FREM3: variants seen among roughly 807,000 people sequenced by gnomAD.
FREM3 encodes the protein FRAS1 related extracellular matrix 3.
Under a neutral mutation model 129.1 loss-of-function variants are expected in FREM3, and 105 were observed. The observed-to-expected ratio is 0.81, with a 90% confidence interval of 0.69 to 0.96. The LOEUF (loss-of-function observed/expected upper bound fraction) is 0.96. Among genes scored for constraint, FREM3 ranks in the 40% least tolerant of loss-of-function variants. The probability of loss-of-function intolerance (pLI) is 0.00; values close to 1 mark genes in which losing one functional copy is unlikely to be tolerated. For synonymous variants in FREM3, 1,014 were observed against 1,044.9 expected, an observed-to-expected ratio of 0.97 and a Z score of 0.57; for missense variants, 2,593 against 2,666.3, an observed-to-expected ratio of 0.97 and a Z score of 0.61.
chr4:143,676,965 A>G (rs1038468984), intron 2 of FREM3, among the ~76,000 whole-genome samples: 4 of 152,220 alleles, frequency 2.6e-5, no homozygotes, highest in South Asian at 4.1e-4. Context: ...TGGCCATACT[A>G]CCCAAGGTAA....
chr4:143,692,504 T>C (rs931254640), intron 2 of FREM3, among the ~76,000 whole-genome samples: 3 of 152,160 alleles, frequency 2.0e-5, no homozygotes, highest in Admixed American at 2.0e-4. Flanking sequence ...TCTGACCACA[T>C]AATCATTGAA....
Position 143,588,332 on chromosome 4 carries a change from C to T in FREM3, c.6029-2339G>A, listed in dbSNP as rs138666370. The stretch of plus-strand genomic sequence containing the variant: ...TATGTATACATGTGCCATGTTGGTA[C>T]GCTGTACCCATTAACTCATCATTTA... On this transcript the variant is annotated intron_variant, in intron 6 of 7. Transcript: ENST00000329798. Among the ~76,000 whole-genome samples, 617 of 151,904 alleles carry T rather than the reference C, an allele frequency of 4.1e-3. 4 individuals carry two copies. Among genetic ancestry groups the T allele is most frequent in the African/African-American group, 7.8e-3 (324 of 41,402 alleles).
intron 6 of FREM3, among the ~76,000 whole-genome samples, chr4:143,589,601 T>A (rs1284865722): frequency 6.6e-6 from 1 of 152,200 alleles, no homozygotes; most frequent in Non-Finnish European, 1.5e-5. Context: ...TTGGTCTATA[T>A]CTCTGTTTTG....
chr4:143,590,810 A>C (rs1271618714), intron 6 of FREM3, among the ~76,000 whole-genome samples: 1 of 152,134 alleles, frequency 6.6e-6, no homozygotes. Context: ...TTCAGAAGAA[A>C]TGGTACCAGC....
chr4:143,596,605 T>A (rs1738487617), intron 6 of FREM3, among the ~76,000 whole-genome samples: 1 of 152,126 alleles, frequency 6.6e-6, no homozygotes, highest in African/African-American at 2.4e-5. Context: ...TGCATTTAAG[T>A]AGATATTTTG....
chr4:143,665,049 G>T, intron 2 of FREM3, among the ~76,000 whole-genome samples: 1 of 152,146 alleles, frequency 6.6e-6, no homozygotes, highest in East Asian at 1.9e-4. Context: ...CCCGAGTGAG[G>T]CAATGCCTCA....
At chr4:143,636,374 C>T (rs1251837029) in intron 2 of FREM3, among the ~76,000 whole-genome samples, 1 of 146,940 alleles carries the variant, frequency 6.8e-6, no homozygotes, top group African/African-American at 2.5e-5. Context: ...GATGGTCAAG[C>T]TGAAGGAGAC....
Position 143,698,688 on chromosome 4 carries a change from TGTG to T in FREM3, c.1985_1987del (p.Pro662del). 1 of 1,537,566 alleles carries T rather than the reference TGTG, an allele frequency of 6.5e-7. No individual in the cohort carries two copies. Among genetic ancestry groups the T allele is most frequent in the Admixed American group, 2.0e-5 (1 of 51,004 alleles). ...CTGGACCATTACAGATTGAGGGCTG[TGTG>T]GTCCAAGATGGCGGTAGAAGAGTCT... On this transcript the variant is annotated inframe_deletion, in exon 1 of 8. Coordinates refer to ENST00000329798, the MANE Select transcript of FREM3 (RefSeq NM_001168235.2).
At chr4:143,645,760 C>T (rs1363220819) in intron 2 of FREM3, among the ~76,000 whole-genome samples, 1 of 152,180 alleles carries the variant, frequency 6.6e-6, no homozygotes, top group East Asian at 1.9e-4. Flanking sequence ...ATCTACTTAT[C>T]TATCAATATA....
rs189735974 is a variant in FREM3, at chr4:143,607,953, C to A, written c.6028+3326G>T. On this transcript the variant is annotated intron_variant, in intron 6 of 7. Transcript: ENST00000329798. ...TTTTCTAGCTTCTAAAGGCTGCCTG[C>A]ATTCCTCGGCTTGTGGCCCTTTCCT... 1.2e-4 allele frequency among the ~76,000 whole-genome samples: 18 copies of A among 152,282 alleles called. No individual in the cohort carries two copies. The East Asian group carries it at 3.3e-3, about 28-fold the overall frequency.
At chr4:143,691,323 G>A (rs6537167) in intron 2 of FREM3, among the ~76,000 whole-genome samples, 93,297 of 151,700 alleles carry the variant, frequency 0.62, 29,303 homozygotes, top group East Asian at 0.77. Context: ...TATACTGCTC[G>A]GGTGATGGGT....
intron 2 of FREM3, among the ~76,000 whole-genome samples, chr4:143,660,758 A>C (rs1041838772): frequency 2.0e-5 from 3 of 151,738 alleles, no homozygotes; most frequent in South Asian, 2.1e-4. Flanking sequence ...CTTTTATTTC[A>C]TTGAGCAGTG....
chr4:143,699,628 G>T lies in FREM3; in HGVS notation c.1048C>A (p.Pro350Thr). Residue 350 changes from proline to threonine, a missense_variant, in exon 1 of 8, where the codon CCC (proline) becomes ACC (threonine). Physicochemically the swap from Pro to Thr is conservative, Grantham distance 38. Around this residue, in one of 2 missense-constraint regions of FREM3, gnomAD observed 2,276 missense variants for 2,267.2 expected, o/e 1.00. Transcript: ENST00000329798. The surrounding 1 kb of genome is among the most constrained non-coding windows in gnomAD (Gnocchi z 4.2). ...GDLVFNILNA[P>T]THPPGHPGQQ... Reference sequence around the variant, plus strand: ...CCCGGGTGCCCTGGTGGGTGAGTGGGGGCGTTCAGAATGTTGAACACCAGG... The same window carrying T: ...CCCGGGTGCCCTGGTGGGTGAGTGGTGGCGTTCAGAATGTTGAACACCAGG... The T allele has an allele frequency of 6.5e-7, 1 of 1,530,258 alleles. No individual in the cohort carries two copies. The highest frequency in any genetic ancestry group is 8.8e-7 in the Non-Finnish European group (1 of 1,142,508). The allele number at this position is 1,530,258 out of a possible 1,614,324, so 94.8% of individuals were successfully genotyped here. A position where few individuals can be genotyped will look rare whatever the true frequency, so the allele number is the denominator to read the frequency against.
rs1408355788 is a variant in FREM3 at position 143,699,797 on chromosome 4, G to C, written c.879C>G (p.Leu293=). ...GVLVREHFQL[L]VRIRGGAENT... ...TCTCGGCTCCGCCGCGGATCCTCAC[G>C]AGCAGCTGGAAGTGCTCGCGGACCA... Residue 293 remains leucine, a synonymous_variant, in exon 1 of 8, where the codon CTC becomes CTG. Transcript: ENST00000329798. The surrounding 1 kb of genome is among the most constrained non-coding windows in gnomAD (Gnocchi z 4.2). The C allele has an allele frequency of 1.0e-5, 16 of 1,536,156 alleles. No homozygotes were observed. Among genetic ancestry groups the C allele is most frequent in the Non-Finnish European group, 1.2e-5 (14 of 1,146,676 alleles).
intron 2 of FREM3, among the ~76,000 whole-genome samples, chr4:143,649,457 T>G (rs1346565487): frequency 6.6e-6 from 1 of 152,218 alleles, no homozygotes; most frequent in Admixed American, 6.5e-5. Flanking sequence ...TTAAATATAC[T>G]CATACCAACC....
chr4:143,580,363 C>A (rs1187221034), intron 7 of FREM3, among the ~76,000 whole-genome samples: 1 of 152,122 alleles, frequency 6.6e-6, no homozygotes, highest in East Asian at 1.9e-4. Flanking sequence ...TGCGACCCTC[C>A]TGGGACCCAC....
chr4:143,695,787 G>A lies in FREM3; in HGVS notation c.4889C>T (p.Thr1630Ile). 2.0e-6 allele frequency: 3 copies of A among 1,537,196 alleles called. No homozygotes were observed. The highest frequency in any genetic ancestry group is 1.2e-5 in the South Asian group (1 of 84,064). The change falls in exon 1 of 8, where the codon ACT becomes ATT. Residue 1630 changes from threonine (T) to isoleucine (I), a missense_variant. By Grantham distance (89) the Thr-to-Ile change is moderately conservative. Coordinates refer to ENST00000329798, the MANE Select transcript of FREM3 (RefSeq NM_001168235.2). ...AGTGTCTGGTAGGACATAGAAATCA[G>A]TGTGAGTGCCGTCTGTCACAGTCAA... is the stretch of plus-strand genomic sequence containing the variant. ...FSLTVTDGTH[T>I]DFYVLPDTAL...
chr4:143,595,385 C>T (rs987366306), intron 6 of FREM3, among the ~76,000 whole-genome samples: 2 of 151,548 alleles, frequency 1.3e-5, no homozygotes, highest in Non-Finnish European at 2.9e-5. Flanking sequence ...TTTGGCAAAG[C>T]CAATTCAATG....
intron 2 of FREM3, among the ~76,000 whole-genome samples, chr4:143,679,168 A>T (rs1269194393): frequency 6.6e-6 from 1 of 152,216 alleles, no homozygotes; most frequent in Non-Finnish European, 1.5e-5. Flanking sequence ...CGGACTATTT[A>T]AAAAATACCA....
Sources: allele counts gnomAD v4.1 joint callset (sites outside exome capture counted in the v4.1 genomes callset), GRCh38; gene constraint gnomAD v4.1.1; regional missense constraint gnomAD v4.1.1; non-coding constraint Gnocchi (gnomAD v3.1); transcripts MANE v1.5; gene names NCBI Gene and HGNC (gene_info 2026-07-23, HGNC 2026-07-21).